Variants in PUM1 observed in about 807,000 individuals in gnomAD.
PUM1 encodes the protein pumilio homolog 1.
PUM1 carries 13 observed loss-of-function variants against 131.8 expected under a neutral mutation model. The observed-to-expected ratio is 0.10, with a 90% CI of 0.06 to 0.16. The LOEUF is 0.16. PUM1 is among the 10% of genes least tolerant of loss of function. The probability of loss-of-function intolerance (pLI) is 1.00; values close to 1 mark genes in which losing one functional copy is unlikely to be tolerated. For missense variants in PUM1, 961 were observed against 1,512.4 expected, an observed-to-expected ratio of 0.64 and a Z score of 6.05; for synonymous variants, 509 against 556.5, an observed-to-expected ratio of 0.91 and a Z score of 1.20.
chr1:31,046,949 T>C (rs1202623628), intron 2 of PUM1, among the ~76,000 whole-genome samples: 1 of 152,060 alleles, frequency 6.6e-6, no homozygotes, highest in Non-Finnish European at 1.5e-5. Flanking sequence ...CTCAGCACTT[T>C]GGAAGGCCAA....
chr1:30,936,592 G>T (rs1414625557), intron 21 of PUM1, 51 bp downstream of exon 21: 2 of 1,513,728 alleles, frequency 1.3e-6, no homozygotes, highest in African/African-American at 1.4e-5. Flanking sequence ...TTTCAGAAAG[G>T]AAGCCAAGGC....
In PUM1 at chr1:31,038,984, A is replaced by ATTTTT. The variant is rs35507851; in HGVS notation, c.364-10125_364-10121dup. 6.1e-5 allele frequency among the ~76,000 whole-genome samples: 3 copies of ATTTTT among 49,416 alleles called. No individual in the cohort carries two copies. The African/African-American group carries it at 6.2e-4, about 10-fold the overall frequency. 32.4% of individuals were successfully genotyped at this position (49,416 alleles called of 152,430 possible). On this transcript the variant is annotated intron_variant, in intron 2 of 21. Transcript: ENST00000426105. ...TATATATATATATATATATATATATATTTTTTTTTTTTTTTTCCTTTTCTC... is the reference window on the plus strand; with the variant it reads ...TATATATATATATATATATATATATATTTTTTTTTTTTTTTTTTTTTCCTTTTCTC...
chr1:31,037,494 G>A (rs187587189), intron 2 of PUM1, among the ~76,000 whole-genome samples: 23 of 151,730 alleles, frequency 1.5e-4, no homozygotes, highest in Admixed American at 6.6e-4. Context: ...CAAGGCGGGC[G>A]GATCACTTGA....
In PUM1 at chr1:30,966,229, A is replaced by C; in HGVS notation, c.1839T>G (p.Ala613=). Residue 613 remains alanine, a synonymous_variant, in exon 13 of 22, where the codon GCT becomes GCG. Transcript: ENST00000426105. ...GGCGAAATGGTCCATTTGTTGTTCC[A>C]GCAAGACCACCAGCTGCTCCATTTG... ...ASANGAAGGL[A]GTTNGPFRPL... is the part of the protein sequence containing the mutation. The C allele has an allele frequency of 6.2e-7, 1 of 1,612,430 alleles. No homozygotes were observed. The highest frequency in any genetic ancestry group is 8.5e-7 in the Non-Finnish European group (1 of 1,178,668).
At chr1:30,969,176 T>C (rs114370490) in intron 10 of PUM1, among the ~76,000 whole-genome samples, 1,731 of 151,842 alleles carry the variant, frequency 0.011, 14 homozygotes, top group East Asian at 0.032. Context: ...TGGCAGCAGG[T>C]GCCTATAATC....
At chr1:30,950,942 ATTGATTT>A (rs887012011) in intron 16 of PUM1, among the ~76,000 whole-genome samples, 1 of 152,218 alleles carries the variant, frequency 6.6e-6, no homozygotes, top group African/African-American at 2.4e-5. Flanking sequence ...CATTAAGAGA[ATTGATTT>A]TTTTTTCTCC....
chr1:30,955,659 T>A (rs1424260226), intron 14 of PUM1, among the ~76,000 whole-genome samples: 1 of 152,236 alleles, frequency 6.6e-6, no homozygotes, highest in East Asian at 1.9e-4. Context: ...TGAATAACAA[T>A]TAAAAACCCA....
chr1:31,046,270 C>T (rs1643959953), intron 2 of PUM1, among the ~76,000 whole-genome samples: 1 of 151,412 alleles, frequency 6.6e-6, no homozygotes, highest in Non-Finnish European at 1.5e-5. Context: ...CCTGTAATCA[C>T]AGCTACTCGG....
At chr1:31,029,192 G>C (rs1451459564) in intron 2 of PUM1, among the ~76,000 whole-genome samples, 2 of 152,180 alleles carry the variant, frequency 1.3e-5, no homozygotes, top group Admixed American at 1.3e-4. Context: ...ACATTCTGAA[G>C]AGCAATGATG....
intron 5 of PUM1, among the ~76,000 whole-genome samples, chr1:31,003,486 G>C (rs1403079648): frequency 1.3e-5 from 2 of 152,172 alleles, no homozygotes; most frequent in East Asian, 3.8e-4. Flanking sequence ...GCCGGGCGCG[G>C]TGGCTCACGC....
chr1:31,010,133 C>G (rs1642555624), intron 3 of PUM1, among the ~76,000 whole-genome samples: 1 of 152,024 alleles, frequency 6.6e-6, no homozygotes, highest in Admixed American at 6.5e-5. Context: ...AAAAAGAAAG[C>G]AAAAGACTGA....
At chr1:30,961,017 A>G (rs1312896416) in intron 14 of PUM1, among the ~76,000 whole-genome samples, 1 of 151,982 alleles carries the variant, frequency 6.6e-6, no homozygotes, top group Non-Finnish European at 1.5e-5. Context: ...CAACATGGTA[A>G]AACACCATCT....
At chr1:31,018,769 T>C (rs576296815) in intron 3 of PUM1, among the ~76,000 whole-genome samples, 9 of 152,352 alleles carry the variant, frequency 5.9e-5, no homozygotes, top group South Asian at 2.1e-4. Context: ...CAGTCTATCA[T>C]TGGAGTTCTT....
chr1:31,009,281 G>A (rs144054494), intron 3 of PUM1, among the ~76,000 whole-genome samples: 2 of 150,808 alleles, frequency 1.3e-5, no homozygotes, highest in African/African-American at 2.4e-5. Flanking sequence ...TTTTTCTCCC[G>A]TATTTTGTGC....
At chr1:30,971,163 A>T (rs2124449913) in intron 10 of PUM1, among the ~76,000 whole-genome samples, 2 of 152,360 alleles carry the variant, frequency 1.3e-5, no homozygotes, top group African/African-American at 4.8e-5. Context: ...AAATGACTGA[A>T]TTTATAAAAA....
chr1:30,960,195 C>T (rs905371501), intron 14 of PUM1, among the ~76,000 whole-genome samples: 3 of 152,150 alleles, frequency 2.0e-5, no homozygotes, highest in African/African-American at 4.8e-5. Flanking sequence ...TTTCAGATTT[C>T]AAAGTCTTTC....
chr1:30,997,244 T>C (rs1642012774), intron 5 of PUM1, among the ~76,000 whole-genome samples: 1 of 152,210 alleles, frequency 6.6e-6, no homozygotes, highest in African/African-American at 2.4e-5. Context: ...CCAGGCGCAG[T>C]GGCTCACACC....
At chr1:30,973,500 C>G (rs1030276581) in intron 10 of PUM1, among the ~76,000 whole-genome samples, 8 of 152,036 alleles carry the variant, frequency 5.3e-5, no homozygotes, top group African/African-American at 1.9e-4. Flanking sequence ...ATTTAAAACA[C>G]CAAAATACTG....
chr1:30,945,243 AAAGT>A, intron 18 of PUM1, 99 bp downstream of exon 18: 5 of 1,346,526 alleles, frequency 3.7e-6, no homozygotes, highest in Non-Finnish European at 5.2e-6. Context: ...CAAAAAAAAT[AAAGT>A]ACATTAAGCA....
Sources: gnomAD v4.1 joint callset for allele counts (sites outside exome capture counted in the v4.1 genomes callset) on GRCh38, gnomAD v4.1.1 for gene constraint, MANE v1.5 for transcripts, NCBI Gene and HGNC (gene_info 2026-07-23, HGNC 2026-07-21) for gene names.